The following DGKI variants were observed in gnomAD, a reference collection of about 807,000 sequenced individuals.
DGKI encodes the protein DAG kinase iota.
A neutral mutation model predicts 147.5 loss-of-function variants in DGKI; 55 were observed. That is an observed-to-expected ratio of 0.37 (90% CI 0.30 to 0.47). The LOEUF (loss-of-function observed/expected upper bound fraction) is 0.47. DGKI is among the 20% of genes least tolerant of loss of function. The pLI is 1.00. For missense variants in DGKI, 1,007 were observed against 1,323.8 expected (o/e 0.76, Z 3.71); for synonymous variants, 469 against 477.1 (o/e 0.98, Z 0.22).
At chr7:137,482,405 T>C (rs1374058889) in intron 23 of DGKI, among the ~76,000 whole-genome samples, 1 of 151,924 alleles carries the variant, frequency 6.6e-6, no homozygotes, top group East Asian at 1.9e-4. Flanking sequence ...CCTCTTTAAC[T>C]GAACTCCTCC....
intron 6 of DGKI, among the ~76,000 whole-genome samples, chr7:137,638,506 AT>A (rs2129004748): frequency 8.6e-6 from 1 of 116,690 alleles, no homozygotes; most frequent in East Asian, 2.8e-4. Flanking sequence ...ATATATGTAT[AT>A]ATATGTGTGT....
intron 19 of DGKI, among the ~76,000 whole-genome samples, chr7:137,568,645 C>T (rs1272417724): frequency 6.6e-6 from 1 of 152,168 alleles, no homozygotes; most frequent in East Asian, 1.9e-4. Context: ...TTGCTTGCTT[C>T]CTCTTTGCAA....
At chr7:137,568,607 G>A (rs1818674937) in intron 19 of DGKI, among the ~76,000 whole-genome samples, 1 of 152,128 alleles carries the variant, frequency 6.6e-6, no homozygotes, top group Admixed American at 6.5e-5. Flanking sequence ...TTATGTCCCT[G>A]GCTTGCTCTC....
At chr7:137,662,522 C>T (rs922390093) in intron 3 of DGKI, among the ~76,000 whole-genome samples, 4 of 103,194 alleles carry the variant, frequency 3.9e-5, no homozygotes, top group Non-Finnish European at 7.6e-5. Flanking sequence ...GGATTACAGG[C>T]GTGAGCCACC....
intron 12 of DGKI, among the ~76,000 whole-genome samples, chr7:137,596,339 TAA>T (rs937020988): frequency 1.3e-5 from 2 of 152,192 alleles, no homozygotes; most frequent in African/African-American, 4.8e-5. Flanking sequence ...ATGGGTATGG[TAA>T]AGAGTCACAG....
Position 137,833,496 on chromosome 7 carries a change from TC to T in DGKI, c.401+12965del, listed in dbSNP as rs1299287530. On this transcript the variant is annotated intron_variant, in intron 1 of 32. Transcript: ENST00000614521. ...GACGCATCCTCATACTTCAATTACC[TC>T]CCACTGGGTCCCTCCCACAACACAT... 2.6e-5 allele frequency among the ~76,000 whole-genome samples: 4 copies of T among 152,108 alleles called. No homozygotes were observed. The East Asian group carries it at 7.8e-4, about 30-fold the overall frequency.
chr7:137,616,487 G>C (rs28650094), intron 8 of DGKI, among the ~76,000 whole-genome samples: 3,511 of 152,170 alleles, frequency 0.023, 113 homozygotes, highest in African/African-American at 0.077. Context: ...CAAGACTCTA[G>C]AGAAAGAACC....
chr7:137,804,645 C>T (rs2116974584), intron 1 of DGKI, among the ~76,000 whole-genome samples: 1 of 152,232 alleles, frequency 6.6e-6, no homozygotes, highest in African/African-American at 2.4e-5. Context: ...GGTACAGAGG[C>T]ACTCCTCTCG....
intron 7 of DGKI, among the ~76,000 whole-genome samples, chr7:137,622,756 G>C (rs1168311533): frequency 6.6e-6 from 1 of 152,098 alleles, no homozygotes; most frequent in Non-Finnish European, 1.5e-5. Context: ...GTAAAAGAAA[G>C]AACAGGTACA....
Position 137,809,562 on chromosome 7 carries a change from C to T in DGKI, c.401+36900G>A, listed in dbSNP as rs551177908. ...GACACTTTAGGCATGTCCTGATATG[C>T]GTAAGTTTAGAGAAAGGGAAATTCT... On this transcript the variant is annotated intron_variant, in intron 1 of 32. Coordinates refer to ENST00000614521, the MANE Select transcript of DGKI (RefSeq NM_001321708.2). Among the ~76,000 whole-genome samples the T allele has an allele frequency of 3.0e-4, 45 of 152,098 alleles. 1 individual carries two copies. In the South Asian group the frequency reaches 4.6e-3, roughly 15 times the overall value.
intron 8 of DGKI, among the ~76,000 whole-genome samples, chr7:137,610,040 TTTTA>T (rs1470918927): frequency 1.3e-5 from 2 of 152,134 alleles, no homozygotes; most frequent in Non-Finnish European, 2.9e-5. Context: ...TTTTTCATGT[TTTTA>T]TTTTTCTTTT....
chr7:137,459,543 T>A lies in DGKI; in HGVS notation c.2735+3946A>T, dbSNP rs569445169. 2.7e-5 allele frequency among the ~76,000 whole-genome samples: 4 copies of A among 150,264 alleles called. No individual in the cohort carries two copies. The South Asian group carries it at 8.5e-4, about 32-fold the overall frequency. Reference sequence around the variant, plus strand: ...AGGCTGGAGTGCAGTGGCACGGTCTTGGCTCACTGCAAGCTCCGCCTCCCG... The same window carrying A: ...AGGCTGGAGTGCAGTGGCACGGTCTAGGCTCACTGCAAGCTCCGCCTCCCG... On this transcript the variant is annotated intron_variant, in intron 27 of 32. Transcript: ENST00000614521.
rs142651896 is a variant in DGKI, at chr7:137,714,937, C to T, written c.402-24935G>A. ...GCCTTCGTAAGTATGAATCCTTCCA[C>T]CTGAAATGGCTTTGTCCTTAGCTTC... On this transcript the variant is annotated intron_variant, in intron 1 of 32. Transcript: ENST00000614521. Among the ~76,000 whole-genome samples, 1,175 of 152,286 alleles carry T rather than the reference C, an allele frequency of 7.7e-3. 10 individuals are homozygous for T. Among genetic ancestry groups the T allele is most frequent in the Non-Finnish European group, 8.8e-3 (599 of 68,014 alleles).
chr7:137,690,456 T>C (rs1223781213), intron 1 of DGKI, among the ~76,000 whole-genome samples: 1 of 152,208 alleles, frequency 6.6e-6, no homozygotes. Context: ...TGGTTACAGC[T>C]GAAAGTTCAC....
intron 28 of DGKI, among the ~76,000 whole-genome samples, chr7:137,442,081 C>T (rs1813531948): frequency 6.6e-6 from 1 of 151,820 alleles, no homozygotes; most frequent in Admixed American, 6.6e-5. Flanking sequence ...TTAGGTAAAT[C>T]ATCACTATAA....
At chr7:137,677,931 A>G (rs985711403) in intron 3 of DGKI, among the ~76,000 whole-genome samples, 7 of 152,190 alleles carry the variant, frequency 4.6e-5, no homozygotes, top group Admixed American at 6.5e-5. Flanking sequence ...TGGCAACCAC[A>G]CTTACCTCAC....
intron 1 of DGKI, among the ~76,000 whole-genome samples, chr7:137,762,429 C>T (rs961072641): frequency 6.6e-6 from 1 of 152,230 alleles, no homozygotes; most frequent in Non-Finnish European, 1.5e-5. Context: ...TAGAGTCTTT[C>T]TCACATTCTA....
intron 6 of DGKI, among the ~76,000 whole-genome samples, chr7:137,638,275 T>A (rs1821401740): frequency 6.6e-6 from 1 of 151,726 alleles, no homozygotes; most frequent in Non-Finnish European, 1.5e-5. Context: ...TTTCACCTCT[T>A]CGTCTCTTCT....
intron 6 of DGKI, among the ~76,000 whole-genome samples, chr7:137,626,360 C>T (rs1355128166): frequency 6.6e-6 from 1 of 150,964 alleles, no homozygotes; most frequent in African/African-American, 2.5e-5. Context: ...CACACACACA[C>T]ACACGGACTT....
Sources: allele counts gnomAD v4.1 joint callset (sites outside exome capture counted in the v4.1 genomes callset), GRCh38; gene constraint gnomAD v4.1.1; transcripts MANE v1.5; gene names NCBI Gene and HGNC (gene_info 2026-07-23, HGNC 2026-07-21).